Variants in ZNF609 observed in about 807,000 individuals in gnomAD.
ZNF609 encodes the protein zinc finger protein 609.
ZNF609 carries 11 observed loss-of-function variants against 109.5 expected under a neutral mutation model. The ratio of observed to expected loss-of-function variants is 0.10; its 90% CI spans 0.06 to 0.17. The LOEUF is 0.17. Ranked by LOEUF, ZNF609 falls within the 10% of genes least tolerant of loss-of-function variation. ZNF609 has a pLI of 1.00. For synonymous variants in ZNF609, 646 were observed against 662.0 expected, an observed-to-expected ratio of 0.98 and a Z score of 0.37; for missense variants, 1,559 against 1,772.4, an observed-to-expected ratio of 0.88 and a Z score of 2.16.
At chr15:64,535,286 A>T (rs1024318914) in intron 2 of ZNF609, among the ~76,000 whole-genome samples, 1 of 152,086 alleles carries the variant, frequency 6.6e-6, no homozygotes, top group Non-Finnish European at 1.5e-5. Flanking sequence ...CTGGCCTCAA[A>T]TGATTATCCT....
intron 2 of ZNF609, among the ~76,000 whole-genome samples, chr15:64,607,819 CTTT>C (rs1895629870): frequency 3.6e-4 from 2 of 5,520 alleles, no homozygotes; most frequent in Non-Finnish European, 6.9e-4. Flanking sequence ...ATGTTTTCTT[CTTT>C]CTTTCTTTCT....
At chr15:64,609,568 C>T (rs112222693) in intron 2 of ZNF609, among the ~76,000 whole-genome samples, 8,207 of 151,090 alleles carry the variant, frequency 0.054, 748 homozygotes, top group African/African-American at 0.19. Context: ...CCTTGGGCTC[C>T]CAAAGTGCTG....
intron 2 of ZNF609, among the ~76,000 whole-genome samples, chr15:64,580,233 C>T (rs79682072): frequency 0.037 from 5,562 of 152,250 alleles, 184 homozygotes; most frequent in Non-Finnish European, 0.051. Flanking sequence ...GGATTATCTC[C>T]TAGAGCCTCC....
chr15:64,662,346 C>CT (rs371252208), intron 3 of ZNF609, among the ~76,000 whole-genome samples: 32 of 150,008 alleles, frequency 2.1e-4, no homozygotes, highest in African/African-American at 4.4e-4. Context: ...TAGGCCCCAT[C>CT]TTTTTTTTTT....
intron 2 of ZNF609, chr15:64,502,392 G>A (rs1893574096): frequency 6.6e-6 from 1 of 152,158 alleles, no homozygotes; most frequent in Admixed American, 6.5e-5. Flanking sequence ...GAGCAGAAGA[G>A]GCAAGTTAAA....
chr15:64,530,299 C>G (rs186171774), intron 2 of ZNF609, among the ~76,000 whole-genome samples: 3 of 152,174 alleles, frequency 2.0e-5, no homozygotes, highest in Admixed American at 6.5e-5. Context: ...CATGAGCCAC[C>G]GTGCTGGGCC....
Position 64,473,191 on chromosome 15 carries a change from C to CTTTTTTTTTTTTTTTTTTTTTTTTT in ZNF609, c.-128+12377_-128+12378insTTTTTTTTTTTTTTTTTTTTTTTTT, listed in dbSNP as rs951319279. Among the ~76,000 whole-genome samples, 6 of 76,076 alleles carry CTTTTTTTTTTTTTTTTTTTTTTTTT rather than the reference C, an allele frequency of 7.9e-5. 1 individual carries two copies. The highest frequency in any genetic ancestry group is 3.9e-4 in the African/African-American group (6 of 15,354). 49.9% of individuals were successfully genotyped at this position (76,076 alleles called of 152,430 possible). On this transcript the variant is annotated intron_variant, in intron 1 of 9. Transcript: ENST00000326648. Reference sequence around the variant, plus strand: ...TAAAACTTTTGACTCATATTTGGTTCTTTTTTTTTTTTTTTTTTTTTTTTG... The same window carrying CTTTTTTTTTTTTTTTTTTTTTTTTT: ...TAAAACTTTTGACTCATATTTGGTTCTTTTTTTTTTTTTTTTTTTTTTTTTTTTTTTTTTTTTTTTTTTTTTTTTG...
At chr15:64,594,776 C>G (rs1417019242) in intron 2 of ZNF609, among the ~76,000 whole-genome samples, 2 of 151,286 alleles carry the variant, frequency 1.3e-5, no homozygotes, top group African/African-American at 4.9e-5. Flanking sequence ...CCTGTAATCC[C>G]AGCACTTTGG....
chr15:64,507,626 A>G (rs1269908673), intron 2 of ZNF609, among the ~76,000 whole-genome samples: 1 of 152,206 alleles, frequency 6.6e-6, no homozygotes, highest in Non-Finnish European at 1.5e-5. Flanking sequence ...AAAGAAGGAA[A>G]TTGGACTTGC....
chr15:64,486,855 C>A (rs751611423), intron 1 of ZNF609, among the ~76,000 whole-genome samples: 7 of 152,108 alleles, frequency 4.6e-5, no homozygotes, highest in African/African-American at 7.2e-5. Context: ...TCCGCCTTGG[C>A]CTCCCAAGTG....
intron 2 of ZNF609, chr15:64,529,021 C>G (rs1894014935): frequency 2.0e-6 from 3 of 1,497,530 alleles, no homozygotes. Context: ...GATGACCTTA[C>G]CCACAGGCTT....
At chr15:64,503,548 C>T (rs544255509) in intron 2 of ZNF609, among the ~76,000 whole-genome samples, 1 of 152,178 alleles carries the variant, frequency 6.6e-6, no homozygotes, top group African/African-American at 2.4e-5. Context: ...CAGATGGCAA[C>T]GATCTATCTG....
intron 1 of ZNF609, among the ~76,000 whole-genome samples, chr15:64,488,913 AAAAAGAAAG>A (rs1893369576): frequency 5.0e-5 from 1 of 19,992 alleles, no homozygotes; most frequent in Admixed American, 1.1e-3. Context: ...TTTCTACAAA[AAAAAGAAAG>A]AAAGAAAGAA....
chr15:64,567,837 A>G (rs141204083), intron 2 of ZNF609, among the ~76,000 whole-genome samples: 372 of 151,922 alleles, frequency 2.4e-3, no homozygotes, highest in African/African-American at 8.6e-3. Context: ...AATTTTTTGT[A>G]TTTTTAGTAG....
At chr15:64,607,141 TA>T (rs1254002813) in intron 2 of ZNF609, among the ~76,000 whole-genome samples, 3 of 147,810 alleles carry the variant, frequency 2.0e-5, no homozygotes, top group East Asian at 2.0e-4. Context: ...TGACACTCCA[TA>T]AAAAAAATAA....
At chr15:64,598,824 T>C (rs536751724) in intron 2 of ZNF609, among the ~76,000 whole-genome samples, 2 of 144,458 alleles carry the variant, frequency 1.4e-5, no homozygotes, top group South Asian at 4.4e-4. Flanking sequence ...AGAAATTGAA[T>C]TTTGGGACAA....
chr15:64,680,964 A>G, intron 8 of ZNF609, 102 bp downstream of exon 8: 1 of 1,327,036 alleles, frequency 7.5e-7, no homozygotes, highest in South Asian at 1.4e-5. Flanking sequence ...TACCTGCCTC[A>G]TAAGAATCCT....
intron 2 of ZNF609, among the ~76,000 whole-genome samples, chr15:64,552,689 G>T (rs577105576): frequency 3.4e-4 from 51 of 152,124 alleles, no homozygotes; most frequent in Non-Finnish European, 6.5e-4. Flanking sequence ...TTGCTGTGTG[G>T]CTCAGGCTGG....
intron 1 of ZNF609, among the ~76,000 whole-genome samples, chr15:64,484,942 C>G (rs1276765089): frequency 6.6e-6 from 1 of 152,158 alleles, no homozygotes; most frequent in Non-Finnish European, 1.5e-5. Flanking sequence ...CCACTGCACT[C>G]CAGCTTGGGC....
Sources: gnomAD v4.1 joint callset for allele counts (sites outside exome capture counted in the v4.1 genomes callset) on GRCh38, gnomAD v4.1.1 for gene constraint, MANE v1.5 for transcripts, NCBI Gene and HGNC (gene_info 2026-07-23, HGNC 2026-07-21) for gene names.